The following MACROD2 variants were observed in gnomAD, a reference collection of about 807,000 sequenced individuals.
The protein encoded by MACROD2 is mono-ADP ribosylhydrolase 2.
In MACROD2, 36 loss-of-function variants were observed where a neutral mutation model predicts 70.4. The observed-to-expected ratio is 0.51, with a 90% CI of 0.39 to 0.68. The LOEUF (loss-of-function observed/expected upper bound fraction) is 0.68. MACROD2 is among the 30% of genes least tolerant of loss of function. The pLI is 0.00. For synonymous variants in MACROD2, 172 were observed against 178.8 expected, an observed-to-expected ratio of 0.96 and a Z score of 0.30; for missense variants, 496 against 538.4, an observed-to-expected ratio of 0.92 and a Z score of 0.78.
At chr20:15,455,911 T>C (rs2046718645) in intron 7 of MACROD2, among the ~76,000 whole-genome samples, 2 of 152,126 alleles carry the variant, frequency 1.3e-5, no homozygotes, top group African/African-American at 4.8e-5. Context: ...ATCTGTAAAA[T>C]AAAAATGAGC....
intron 3 of MACROD2, among the ~76,000 whole-genome samples, chr20:14,365,568 G>A (rs921382609): frequency 6.6e-6 from 1 of 151,774 alleles, no homozygotes. Flanking sequence ...CCAATTTCTT[G>A]TTTCGTTAAC....
chr20:15,717,905 A>G (rs2050728873), intron 8 of MACROD2, among the ~76,000 whole-genome samples: 1 of 152,196 alleles, frequency 6.6e-6, no homozygotes, highest in Admixed American at 6.5e-5. Flanking sequence ...GGGATCAGCA[A>G]GAGTGGTTGG....
intron 6 of MACROD2, among the ~76,000 whole-genome samples, chr20:15,338,042 G>T (rs1026613630): frequency 1.6e-4 from 24 of 151,526 alleles, no homozygotes; most frequent in Admixed American, 1.3e-4. Flanking sequence ...GTAGGTAAAT[G>T]GTGGCCTTCA....
intron 3 of MACROD2, among the ~76,000 whole-genome samples, chr20:14,234,943 A>G (rs2081855144): frequency 6.6e-6 from 1 of 152,190 alleles, no homozygotes; most frequent in Non-Finnish European, 1.5e-5. Context: ...ACCGTTTATT[A>G]TGTTTTCAAA....
chr20:14,854,932 C>T (rs530029892), intron 5 of MACROD2, among the ~76,000 whole-genome samples: 2 of 152,000 alleles, frequency 1.3e-5, no homozygotes, highest in Non-Finnish European at 2.9e-5. Flanking sequence ...AGGAGAATGG[C>T]GTGAACCCGG....
chr20:14,682,692 C>T (rs1048723996), intron 4 of MACROD2, among the ~76,000 whole-genome samples: 1 of 151,812 alleles, frequency 6.6e-6, no homozygotes, highest in African/African-American at 2.4e-5. Context: ...TTAACCAGCT[C>T]CTGTTGATGG....
At chr20:14,223,518 T>C (rs2081701517) in intron 3 of MACROD2, among the ~76,000 whole-genome samples, 1 of 150,734 alleles carries the variant, frequency 6.6e-6, no homozygotes, top group South Asian at 2.1e-4. Context: ...TTTTTTTTTT[T>C]TTTTTTTGAG....
chr20:15,657,356 G>A (rs562442031), intron 8 of MACROD2, among the ~76,000 whole-genome samples: 3 of 152,282 alleles, frequency 2.0e-5, no homozygotes, highest in South Asian at 2.1e-4. Context: ...AAGAGAAATC[G>A]AATTCGGCTA....
intron 8 of MACROD2, among the ~76,000 whole-genome samples, chr20:15,599,155 C>T (rs6135456): frequency 0.41 from 61,375 of 151,220 alleles, 14,963 homozygotes; most frequent in Non-Finnish European, 0.54. Flanking sequence ...CCAAGGCGGG[C>T]GGATCACGAG....
intron 8 of MACROD2, among the ~76,000 whole-genome samples, chr20:15,833,685 G>A (rs1041237855): frequency 2.0e-5 from 3 of 152,128 alleles, no homozygotes; most frequent in South Asian, 2.1e-4. Context: ...AGAAAATAAA[G>A]GTTTAAAGCA....
In MACROD2 at chr20:14,614,306, A is replaced by G. The variant is rs1169286993; in HGVS notation, c.302-70537A>G. ...ACTTGGGGTAAGTGCTTAAAACAGTACTTAGAACACATAGCTCTTCATATT... is the reference window on the plus strand; with the variant it reads ...ACTTGGGGTAAGTGCTTAAAACAGTGCTTAGAACACATAGCTCTTCATATT... On this transcript the variant is annotated intron_variant, in intron 4 of 17. Transcript: ENST00000684519. Among the ~76,000 whole-genome samples, 3 of 152,136 alleles carry G rather than the reference A, an allele frequency of 2.0e-5. No homozygotes were observed. In the East Asian group the frequency reaches 5.8e-4, roughly 29 times the overall value.
intron 5 of MACROD2, among the ~76,000 whole-genome samples, chr20:15,051,162 T>C (rs2075436978): frequency 1.3e-5 from 2 of 152,178 alleles, no homozygotes; most frequent in Admixed American, 1.3e-4. Flanking sequence ...TCTGTTTAGT[T>C]AGGGAAAAAT....
At chr20:15,142,514 AT>A (rs760273634) in intron 5 of MACROD2, among the ~76,000 whole-genome samples, 1 of 151,868 alleles carries the variant, frequency 6.6e-6, no homozygotes, top group South Asian at 2.1e-4. Flanking sequence ...TACTACTTTT[AT>A]TTTTTTATTA....
chr20:14,059,933 C>T (rs1323081963), intron 2 of MACROD2, among the ~76,000 whole-genome samples: 2 of 152,082 alleles, frequency 1.3e-5, no homozygotes, highest in Admixed American at 6.5e-5. Context: ...GTAATAGACC[C>T]AGACATGTGT....
chr20:15,319,104 A>C (rs1375220020), intron 6 of MACROD2, among the ~76,000 whole-genome samples: 1 of 152,190 alleles, frequency 6.6e-6, no homozygotes, highest in African/African-American at 2.4e-5. Context: ...TTAGTAAACA[A>C]AGTCAGCAAA....
intron 8 of MACROD2, among the ~76,000 whole-genome samples, chr20:15,638,031 A>T (rs6135474): frequency 0.69 from 100,593 of 145,252 alleles, 33,838 homozygotes; most frequent in Non-Finnish European, 0.76. Context: ...AAGGCCCAGA[A>T]TTTTTTTTTA....
intron 5 of MACROD2, among the ~76,000 whole-genome samples, chr20:15,136,443 G>C (rs1025463400): frequency 1.1e-4 from 17 of 152,116 alleles, no homozygotes; most frequent in African/African-American, 3.9e-4. Context: ...ACAAACCTGA[G>C]AAAAACGAGC....
intron 4 of MACROD2, among the ~76,000 whole-genome samples, chr20:14,557,982 C>G (rs532425587): frequency 2.2e-4 from 34 of 151,826 alleles, no homozygotes; most frequent in African/African-American, 7.5e-4. Context: ...TGTCCATCAT[C>G]TCATGAATGG....
rs117952464 is a variant in MACROD2, at chr20:15,709,540, G to A, written c.646-153205G>A. On this transcript the variant is annotated intron_variant, in intron 8 of 17. Transcript: ENST00000684519. ...AAATTAGCTGGGCATGATGGCACAA[G>A]CCTGTAGTTCCAGCTACTCGGGAAG... Among the ~76,000 whole-genome samples the A allele has an allele frequency of 1.2e-3, 179 of 152,192 alleles. 2 individuals carry two copies. In the East Asian group the frequency reaches 0.033, roughly 28 times the overall value.
Sources: allele counts gnomAD v4.1 joint callset (sites outside exome capture counted in the v4.1 genomes callset), GRCh38; gene constraint gnomAD v4.1.1; transcripts MANE v1.5; gene names NCBI Gene and HGNC (gene_info 2026-07-23, HGNC 2026-07-21).